SLC44A5: variants seen among roughly 807,000 people sequenced by gnomAD.
The protein encoded by SLC44A5 is solute carrier family 44 member 5.
Under a neutral mutation model 101.8 loss-of-function variants are expected in SLC44A5, and 57 were observed. That is an observed-to-expected ratio of 0.56 (90% CI 0.45 to 0.70). The LOEUF is 0.70. Ranked by LOEUF, SLC44A5 falls within the 30% of genes least tolerant of loss-of-function variation. The pLI is 0.00. For synonymous variants in SLC44A5, 281 were observed against 290.9 expected (o/e 0.97, Z 0.35); for missense variants, 737 against 853.1 (o/e 0.86, Z 1.70).
At chr1:75,715,099 A>G in the SLC44A5 span, among the ~76,000 whole-genome samples, 1 of 152,218 alleles carries the variant, frequency 6.6e-6, no homozygotes, top group Non-Finnish European at 1.5e-5. Flanking sequence ...AGGGAGGTGG[A>G]AGATCTCTAC....
At chr1:75,722,979 G>A in the SLC44A5 span, among the ~76,000 whole-genome samples, 1 of 152,204 alleles carries the variant, frequency 6.6e-6, no homozygotes, top group African/African-American at 2.4e-5. Flanking sequence ...GGAAGCATTA[G>A]GCCATAGCCT....
At chr1:75,281,877 A>G (rs1652622094) in intron 5 of SLC44A5, among the ~76,000 whole-genome samples, 1 of 152,226 alleles carries the variant, frequency 6.6e-6, no homozygotes, top group Admixed American at 6.5e-5. Flanking sequence ...ATGTCCAGGC[A>G]GAAGTTTGCT....
the SLC44A5 span, among the ~76,000 whole-genome samples, chr1:75,632,247 C>T: frequency 6.6e-6 from 1 of 152,126 alleles, no homozygotes; most frequent in Non-Finnish European, 1.5e-5. Flanking sequence ...CAGACTTGAG[C>T]TCTTTATGGA....
At chr1:75,492,759 T>G (rs1017950875) in intron 2 of SLC44A5, among the ~76,000 whole-genome samples, 1 of 152,184 alleles carries the variant, frequency 6.6e-6, no homozygotes, top group African/African-American at 2.4e-5. Context: ...GTATTATGAT[T>G]ATTGCTTTTA....
chr1:75,534,168 A>G (rs965894017), intron 2 of SLC44A5, among the ~76,000 whole-genome samples: 2 of 152,142 alleles, frequency 1.3e-5, no homozygotes, highest in African/African-American at 4.8e-5. Flanking sequence ...TACTCTAACC[A>G]TTCTGCTTTT....
intron 2 of SLC44A5, among the ~76,000 whole-genome samples, chr1:75,432,984 T>G (rs1157478167): frequency 6.6e-6 from 1 of 152,080 alleles, no homozygotes; most frequent in African/African-American, 2.4e-5. Flanking sequence ...AGTTTATCCC[T>G]TCCTACCTGT....
intron 23 of SLC44A5, among the ~76,000 whole-genome samples, chr1:75,204,052 C>T (rs1646707874): frequency 1.3e-5 from 2 of 152,082 alleles, no homozygotes; most frequent in African/African-American, 2.4e-5. Context: ...GATATTATTT[C>T]ATTCTGTGTA....
the SLC44A5 span, among the ~76,000 whole-genome samples, chr1:75,625,496 A>C: frequency 6.6e-6 from 1 of 152,174 alleles, no homozygotes; most frequent in South Asian, 2.1e-4. Flanking sequence ...TTAAATATTC[A>C]TTGGTTTCGC....
chr1:75,554,806 A>T (rs1672130153), intron 1 of SLC44A5, among the ~76,000 whole-genome samples: 1 of 152,148 alleles, frequency 6.6e-6, no homozygotes, highest in African/African-American at 2.4e-5. Flanking sequence ...ATTATTATGG[A>T]AGTAGGAAAT....
At chr1:75,570,736 C>T (rs899005241) in intron 1 of SLC44A5, among the ~76,000 whole-genome samples, 2 of 152,112 alleles carry the variant, frequency 1.3e-5, no homozygotes, top group African/African-American at 4.8e-5. Context: ...ACATACTAGC[C>T]CTTTCCCACC....
chr1:75,483,528 G>C (rs1667987252), intron 2 of SLC44A5, among the ~76,000 whole-genome samples: 1 of 152,120 alleles, frequency 6.6e-6, no homozygotes, highest in Admixed American at 6.6e-5. Flanking sequence ...TCGAATAAAA[G>C]AGTTGCTGAA....
intron 3 of SLC44A5, among the ~76,000 whole-genome samples, chr1:75,360,085 G>A (rs751837604): frequency 2.6e-5 from 4 of 152,008 alleles, no homozygotes; most frequent in Non-Finnish European, 5.9e-5. Flanking sequence ...TCAGATGTAT[G>A]GTTTGAAAAT....
At chr1:75,268,151 C>T (rs1243803420) in intron 6 of SLC44A5, among the ~76,000 whole-genome samples, 1 of 152,118 alleles carries the variant, frequency 6.6e-6, no homozygotes. Context: ...ACGTTTTGGC[C>T]TCTTGGCTTC....
intron 2 of SLC44A5, among the ~76,000 whole-genome samples, chr1:75,467,843 A>G (rs1239592025): frequency 6.6e-6 from 1 of 152,200 alleles, no homozygotes; most frequent in East Asian, 1.9e-4. Flanking sequence ...AGATAACATT[A>G]AGTTAAAAAG....
intron 2 of SLC44A5, among the ~76,000 whole-genome samples, chr1:75,402,941 A>G (rs1662591504): frequency 6.6e-6 from 1 of 152,178 alleles, no homozygotes; most frequent in South Asian, 2.1e-4. Context: ...GCTAAGATCC[A>G]CTAGCTCGAA....
Position 75,383,438 on chromosome 1 carries a change from T to C in SLC44A5, c.52+13145A>G, listed in dbSNP as rs147759478. Among the ~76,000 whole-genome samples the C allele has an allele frequency of 8.4e-3, 1,276 of 152,148 alleles. 11 individuals are homozygous for C. Among genetic ancestry groups the C allele is most frequent in the Non-Finnish European group, 0.012 (837 of 68,018 alleles). On this transcript the variant is annotated intron_variant, in intron 3 of 23. Coordinates refer to ENST00000370859, the MANE Select transcript of SLC44A5 (RefSeq NM_001130058.2). ...CTTACGAGAAACACCCACAGGTGTG[T>C]AGGGGCAACCCACCCCTACAATGGA... is the stretch of plus-strand genomic sequence containing the variant.
intron 14 of SLC44A5, among the ~76,000 whole-genome samples, chr1:75,222,124 T>C (rs1418951185): frequency 1.3e-5 from 2 of 151,958 alleles, no homozygotes; most frequent in East Asian, 3.9e-4. Flanking sequence ...GCCCGGCTAA[T>C]TTTGTATCTT....
chr1:75,466,394 T>G (rs563538023), intron 2 of SLC44A5, among the ~76,000 whole-genome samples: 1 of 152,160 alleles, frequency 6.6e-6, no homozygotes, highest in South Asian at 2.1e-4. Context: ...TGGTGGCTCA[T>G]GCCTGTAATC....
chr1:75,687,632 C>A, the SLC44A5 span, among the ~76,000 whole-genome samples: 5 of 152,130 alleles, frequency 3.3e-5, no homozygotes, highest in Admixed American at 6.6e-5. Context: ...GAATATTTCA[C>A]CACTTAGATA....
Sources: allele counts gnomAD v4.1 joint callset (sites outside exome capture counted in the v4.1 genomes callset), GRCh38; gene constraint gnomAD v4.1.1; transcripts MANE v1.5; gene names NCBI Gene and HGNC (gene_info 2026-07-23, HGNC 2026-07-21).